CMPK2: variants seen among roughly 807,000 people sequenced by gnomAD.
CMPK2 encodes UMP-CMP kinase 2, mitochondrial.
Under a neutral mutation model 33.4 loss-of-function variants are expected in CMPK2, and 32 were observed. The observed-to-expected ratio is 0.96, with a 90% CI of 0.72 to 1.29. CMPK2 has a LOEUF of 1.29. CMPK2 is among the 50% of genes most tolerant of loss of function. The probability of loss-of-function intolerance (pLI) is 0.00; values close to 1 mark genes in which losing one functional copy is unlikely to be tolerated. For missense variants in CMPK2, 672 were observed against 616.0 expected (o/e 1.09, Z -0.96); for synonymous variants, 299 against 275.3 (o/e 1.09, Z -0.85).
Position 6,865,275 on chromosome 2 carries a change from T to A in CMPK2, c.422A>T (p.Asp141Val), listed in dbSNP as rs775799852. 5.2e-6 allele frequency: 8 copies of A among 1,535,088 alleles called. No homozygotes were observed. In the South Asian group the frequency reaches 7.1e-5, roughly 14 times the overall value. Residue 141 changes from aspartate to valine, a missense_variant, in exon 1 of 5, where the codon GAC becomes GTC. By Grantham distance (152) the Asp-to-Val change is radical (BLOSUM62 -3). Transcript: ENST00000256722. ...CAGCTCGAGCAGCGCTTGCCGGGTG[T>A]CAGGGTCATCCAGGGGGTCGCGCAG... ...FLLRDPLDDP[D>V]TRQALLELLG...
chr2:6,840,746 C>T, intron 3 of CMPK2: 1 of 690,796 alleles, frequency 1.4e-6, no homozygotes, highest in Non-Finnish European at 2.6e-6. Context: ...ACAGAGGTGG[C>T]CCTAGTTCTT....
At chr2:6,861,781 T>C (rs905348402) in intron 2 of CMPK2, among the ~76,000 whole-genome samples, 11 of 152,248 alleles carry the variant, frequency 7.2e-5, no homozygotes, top group Non-Finnish European at 1.2e-4. Flanking sequence ...CCTCTCTTTC[T>C]ACCTTCTTCA....
In CMPK2 at chr2:6,865,287, A is replaced by G; in HGVS notation, c.410T>C (p.Leu137Pro). The change falls in exon 1 of 5, where the codon CTG becomes CCG. Residue 137 changes from leucine (L) to proline (P), a missense_variant. Leu to Pro is a moderately conservative substitution (Grantham distance 98, BLOSUM62 -3). Coordinates refer to ENST00000256722, the MANE Select transcript of CMPK2 (RefSeq NM_207315.4). ...AQQGFLLRDP[L>P]DDPDTRQALL... ...CGCTTGCCGGGTGTCAGGGTCATCC[A>G]GGGGGTCGCGCAGCAGGAAGCCTTG... 6.5e-7 allele frequency: 1 copy of G among 1,530,950 alleles called. No homozygotes were observed. 94.8% of individuals were successfully genotyped at this position (1,530,950 alleles called of 1,614,324 possible).
chr2:6,859,615 A>C (rs759502598), intron 3 of CMPK2, among the ~76,000 whole-genome samples: 1 of 152,212 alleles, frequency 6.6e-6, no homozygotes, highest in Non-Finnish European at 1.5e-5. Flanking sequence ...TGTGGTGTTG[A>C]GCCTACAGGT....
chr2:6,843,797 C>T (rs1204566642), downstream of CMPK2, among the ~76,000 whole-genome samples: 1 of 152,158 alleles, frequency 6.6e-6, no homozygotes, highest in Admixed American at 6.5e-5. Context: ...TAGACATTCA[C>T]CATGGTTGTG....
rs1282675264 is a variant in CMPK2, at chr2:6,865,124, C to G, written c.573G>C (p.Gln191His). 6.6e-7 allele frequency: 1 copy of G among 1,518,226 alleles called. No individual in the cohort carries two copies. Among genetic ancestry groups the G allele is most frequent in the Non-Finnish European group, 8.8e-7 (1 of 1,133,526 alleles). The allele number at this position is 1,518,226 out of a possible 1,614,324, so 94.0% of individuals were successfully genotyped here. A position where few individuals can be genotyped will look rare whatever the true frequency, so the allele number is the denominator to read the frequency against. Residue 191 changes from glutamine to histidine, a missense_variant, in exon 1 of 5, where the codon CAG becomes CAC. Physicochemically the swap from Gln to His is conservative, Grantham distance 24 (BLOSUM62 0). Coordinates refer to ENST00000256722, the MANE Select transcript of CMPK2 (RefSeq NM_207315.4). ...DGRRLQVGCA[Q>H]VVPVPEPPLH... ...GCGGGGGCTCCGGGACGGGCACGAC[C>G]TGTGCGCAGCCCACCTGCAGCCGCC...
intron 4 of CMPK2, 130 bp from the exon 5 acceptor site, chr2:6,850,103 C>T: frequency 1.6e-6 from 1 of 644,500 alleles, no homozygotes; most frequent in South Asian, 2.2e-5. Flanking sequence ...CTGTAACTAG[C>T]TTTGCCCACA....
rs1470643664 is a variant in CMPK2, at chr2:6,861,341, C to T, written c.835G>A (p.Val279Ile). The change falls in exon 3 of 5, where the codon GTC (valine) becomes ATC (isoleucine). Residue 279 changes from valine to isoleucine, a missense_variant. Coordinates refer to ENST00000256722, the MANE Select transcript of CMPK2 (RefSeq NM_207315.4). ...CAAGAGGGTGGTGACTTTAAGAGGA[C>T]AGCCTTAAGTGAATCTGCCACTGAC... ...TQSVADSLKA[V>I]LLKSPPSCIG... 2 of 1,614,156 alleles carry T rather than the reference C, an allele frequency of 1.2e-6. No homozygotes were observed. Among genetic ancestry groups the T allele is most frequent in the East Asian group, 4.5e-5 (2 of 44,880 alleles).
intron 3 of CMPK2, among the ~76,000 whole-genome samples, chr2:6,859,861 G>C (rs1662822063): frequency 6.6e-6 from 1 of 152,142 alleles, no homozygotes; most frequent in Non-Finnish European, 1.5e-5. Flanking sequence ...CCCCAGAATG[G>C]TAGATCCACT....
At chr2:6,864,426 G>C (rs575301477) in intron 1 of CMPK2, 2 of 152,236 alleles carry the variant, frequency 1.3e-5, no homozygotes, top group African/African-American at 4.8e-5. Context: ...CTGTGTCACA[G>C]GAGGACATCT....
Position 6,865,398 on chromosome 2 carries a change from T to A in CMPK2, c.299A>T (p.His100Leu). The A allele has an allele frequency of 7.4e-7, 1 of 1,353,516 alleles. No individual in the cohort carries two copies. Among genetic ancestry groups the A allele is most frequent in the South Asian group, 1.8e-5 (1 of 54,200 alleles). 83.8% of individuals were successfully genotyped at this position (1,353,516 alleles called of 1,614,324 possible). A position where few individuals can be genotyped will look rare whatever the true frequency, so the allele number is the denominator to read the frequency against. ...RAARLHQRLL[H>L]QLRRGPFQRC... ...CTGGAAGGGGCCGCGGCGCAGCTGG[T>A]GCAGCAGGCGCTGGTGCAGCCGCGC... The change falls in exon 1 of 5, where the codon CAC becomes CTC. Residue 100 changes from histidine (H) to leucine (L), a missense_variant. His to Leu is a moderately conservative substitution (Grantham distance 99, BLOSUM62 -3). Coordinates refer to ENST00000256722, the MANE Select transcript of CMPK2 (RefSeq NM_207315.4).
chr2:6,863,292 T>A (rs1488753332), intron 2 of CMPK2, among the ~76,000 whole-genome samples, 172 bp downstream of exon 2: 1 of 152,200 alleles, frequency 6.6e-6, no homozygotes, highest in Non-Finnish European at 1.5e-5. Flanking sequence ...CTGCTTCATA[T>A]TGAAGGTCTT....
chr2:6,857,174 G>A (rs1662728652), intron 3 of CMPK2, among the ~76,000 whole-genome samples: 1 of 152,188 alleles, frequency 6.6e-6, no homozygotes, highest in Non-Finnish European at 1.5e-5. Flanking sequence ...CCAGATGGGA[G>A]TAAAATGGAA....
chr2:6,865,877 C>CT lies in CMPK2; in HGVS notation c.-182dup. ...GCAGGAGCCCTGGGGCTGGGGCGCCCTTCCGGCCTCTCCTCCTCGCCGCGA... is the reference window on the plus strand; with the variant it reads ...GCAGGAGCCCTGGGGCTGGGGCGCCCTTTCCGGCCTCTCCTCCTCGCCGCGA... On this transcript the variant is annotated 5_prime_UTR_variant, in exon 1 of 5. Transcript: ENST00000256722. 2 of 1,389,972 alleles carry CT rather than the reference C, an allele frequency of 1.4e-6. No individual in the cohort carries two copies. Among genetic ancestry groups the CT allele is most frequent in the African/African-American group, 3.1e-5 (2 of 65,436 alleles). 86.1% of individuals were successfully genotyped at this position (1,389,972 alleles called of 1,614,324 possible). A position where few individuals can be genotyped will look rare whatever the true frequency, so the allele number is the denominator to read the frequency against.
At position 6,849,403 on chromosome 2, in the gene CMPK2, C is replaced by A; in HGVS notation, c.*447G>T. 1 of 989,748 alleles carries A rather than the reference C, an allele frequency of 1.0e-6. No homozygotes were observed. The highest frequency in any genetic ancestry group is 1.2e-6 in the Non-Finnish European group (1 of 832,990). 61.3% of individuals were successfully genotyped at this position (989,748 alleles called of 1,614,324 possible). On this transcript the variant is annotated 3_prime_UTR_variant, in exon 5 of 5. Transcript: ENST00000256722. ...GCGAGCCCATCATGACGAGTGCAAC[C>A]AGATGTGGAAGAAGCCAATGTGGGC...
chr2:6,865,979 T>G, upstream of CMPK2: 2 of 916,114 alleles, frequency 2.2e-6, no homozygotes, highest in Non-Finnish European at 2.9e-6. Context: ...TCCGCGGGCC[T>G]GCGCGGTCCC....
intron 3 of CMPK2, among the ~76,000 whole-genome samples, chr2:6,858,935 T>C (rs1338709107): frequency 6.6e-6 from 1 of 152,098 alleles, no homozygotes; most frequent in African/African-American, 2.4e-5. Context: ...GTGGGAAAGG[T>C]TGAACTCCCT....
downstream of CMPK2, among the ~76,000 whole-genome samples, chr2:6,843,352 G>C (rs562148750): frequency 6.6e-6 from 1 of 152,298 alleles, no homozygotes; most frequent in South Asian, 2.1e-4. Flanking sequence ...TCCTGAACTA[G>C]TATCCATTCC....
At chr2:6,855,069 C>G (rs543688465) in intron 3 of CMPK2, among the ~76,000 whole-genome samples, 6 of 151,820 alleles carry the variant, frequency 4.0e-5, no homozygotes, top group Non-Finnish European at 7.4e-5. Context: ...TTTGTCCCCA[C>G]CAAAATCTCA....
Sources: gnomAD v4.1 joint callset for allele counts (sites outside exome capture counted in the v4.1 genomes callset) on GRCh38, gnomAD v4.1.1 for gene constraint, MANE v1.5 for transcripts, NCBI Gene and HGNC (gene_info 2026-07-23, HGNC 2026-07-21) for gene names.